The following UNC13C variants were observed in gnomAD, a reference collection of about 807,000 sequenced individuals.
The protein encoded by UNC13C is unc-13 homolog C.
In UNC13C, 174 loss-of-function variants were observed where a neutral mutation model predicts 245.4. The observed-to-expected ratio is 0.71, with a 90% CI of 0.63 to 0.80. UNC13C has a LOEUF of 0.80. Ranked by LOEUF, UNC13C falls within the 30% of genes least tolerant of loss-of-function variation. The pLI, the probability that UNC13C is intolerant of heterozygous loss-of-function variation, is 0.00. For synonymous variants in UNC13C, 992 were observed against 895.1 expected (o/e 1.11, Z -1.93); for missense variants, 2,829 against 2,602.9 (o/e 1.09, Z -1.89).
intron 17 of UNC13C, among the ~76,000 whole-genome samples, chr15:54,379,683 A>G (rs938992044): frequency 2.6e-5 from 4 of 152,102 alleles, no homozygotes; most frequent in Non-Finnish European, 4.4e-5. Context: ...CAAGCAACCT[A>G]CATGGTTCTG....
chr15:54,012,415 G>T (rs1895422785), intron 1 of UNC13C, among the ~76,000 whole-genome samples: 1 of 152,030 alleles, frequency 6.6e-6, no homozygotes, highest in Non-Finnish European at 1.5e-5. Flanking sequence ...TACTATTTCA[G>T]TTGTGTCCAC....
At chr15:54,482,117 G>T (rs1893154389) in intron 19 of UNC13C, among the ~76,000 whole-genome samples, 1 of 152,066 alleles carries the variant, frequency 6.6e-6, no homozygotes, top group Non-Finnish European at 1.5e-5. Context: ...TGTTCCCTGG[G>T]GTGTAAGGCA....
chr15:54,364,623 T>A (rs1039482380), intron 17 of UNC13C, among the ~76,000 whole-genome samples: 4 of 152,222 alleles, frequency 2.6e-5, no homozygotes, highest in African/African-American at 9.6e-5. Context: ...CTGTAGTGAC[T>A]TTTTTGTTGG....
At chr15:54,047,106 G>C (rs375064899) in intron 2 of UNC13C, among the ~76,000 whole-genome samples, 2 of 152,190 alleles carry the variant, frequency 1.3e-5, no homozygotes, top group African/African-American at 4.8e-5. Context: ...TTTGGAGACA[G>C]ATGATTAAGA....
chr15:54,298,673 A>T (rs2140943472), intron 12 of UNC13C, among the ~76,000 whole-genome samples: 1 of 152,276 alleles, frequency 6.6e-6, no homozygotes, highest in East Asian at 1.9e-4. Context: ...TCAGTAGAGA[A>T]GCACAGACAA....
chr15:54,213,339 T>C (rs556004992), intron 4 of UNC13C, among the ~76,000 whole-genome samples: 2 of 152,036 alleles, frequency 1.3e-5, no homozygotes, highest in Non-Finnish European at 2.9e-5. Context: ...TACTAAATAC[T>C]AGAGAGGAAA....
intron 2 of UNC13C, among the ~76,000 whole-genome samples, chr15:54,112,166 A>G (rs1429968637): frequency 6.6e-6 from 1 of 152,208 alleles, no homozygotes. Context: ...TTATGAAGCA[A>G]CATCATTCAT....
intron 17 of UNC13C, among the ~76,000 whole-genome samples, chr15:54,338,892 A>T (rs1298632952): frequency 6.6e-6 from 1 of 152,090 alleles, no homozygotes; most frequent in Admixed American, 6.5e-5. Flanking sequence ...TTTGAGATGG[A>T]GTCTCACTCT....
the UNC13C span, among the ~76,000 whole-genome samples, chr15:53,891,923 T>C: frequency 6.6e-6 from 1 of 152,246 alleles, no homozygotes; most frequent in Non-Finnish European, 1.5e-5. Flanking sequence ...CTGGTTATTT[T>C]GTCCATTAGT....
chr15:54,315,813 C>T (rs896293459), intron 13 of UNC13C, among the ~76,000 whole-genome samples: 2 of 151,782 alleles, frequency 1.3e-5, no homozygotes, highest in African/African-American at 2.4e-5. Flanking sequence ...CAAACTAGAA[C>T]CTTGAAACTT....
chr15:53,942,820 G>A, the UNC13C span, among the ~76,000 whole-genome samples: 2 of 152,044 alleles, frequency 1.3e-5, no homozygotes. Context: ...GTGCCACCAT[G>A]CCTGGCTAAT....
intron 4 of UNC13C, among the ~76,000 whole-genome samples, chr15:54,167,363 G>A (rs534595844): frequency 8.6e-5 from 13 of 151,500 alleles, no homozygotes; most frequent in African/African-American, 2.9e-4. Flanking sequence ...TTAGCCGGGC[G>A]TGATGGTGGG....
the UNC13C span, among the ~76,000 whole-genome samples, chr15:53,896,613 C>T: frequency 6.6e-6 from 1 of 152,076 alleles, no homozygotes; most frequent in Admixed American, 6.6e-5. Flanking sequence ...TTAATTTCCA[C>T]TCCATCCCTC....
chr15:54,019,031 C>G (rs895618930), intron 2 of UNC13C, among the ~76,000 whole-genome samples: 1 of 152,154 alleles, frequency 6.6e-6, no homozygotes, highest in East Asian at 1.9e-4. Context: ...GACATAAAAG[C>G]TTATTACTCA....
intron 1 of UNC13C, among the ~76,000 whole-genome samples, chr15:53,995,738 A>T (rs191170069): frequency 1.4e-3 from 216 of 152,230 alleles, no homozygotes; most frequent in Admixed American, 2.9e-3. Context: ...AATGCCAAGT[A>T]GTTAATGGTT....
At chr15:54,124,735 G>A (rs969400955) in intron 2 of UNC13C, among the ~76,000 whole-genome samples, 3 of 152,068 alleles carry the variant, frequency 2.0e-5, no homozygotes, top group Non-Finnish European at 4.4e-5. Flanking sequence ...AGTTAACTAA[G>A]AGTTTTACAT....
At chr15:53,877,585 GAGA>G in the UNC13C span, among the ~76,000 whole-genome samples, 8 of 152,180 alleles carry the variant, frequency 5.3e-5, no homozygotes, top group African/African-American at 1.9e-4. Context: ...GAGAGAGAGA[GAGA>G]AGGAGAATAG....
chr15:53,901,750 A>T, the UNC13C span, among the ~76,000 whole-genome samples: 2 of 152,220 alleles, frequency 1.3e-5, no homozygotes, highest in Non-Finnish European at 2.9e-5. Flanking sequence ...ACATTTTGCC[A>T]ATTTATAATG....
the UNC13C span, chr15:53,914,714 C>T: frequency 6.6e-6 from 1 of 152,370 alleles, no homozygotes; most frequent in South Asian, 2.1e-4. Flanking sequence ...TTTCACCTGC[C>T]TACGGCCCCC....
Sources: gnomAD v4.1 joint callset for allele counts (sites outside exome capture counted in the v4.1 genomes callset) on GRCh38, gnomAD v4.1.1 for gene constraint, MANE v1.5 for transcripts, NCBI Gene and HGNC (gene_info 2026-07-23, HGNC 2026-07-21) for gene names.